Variants in DTD1 observed in about 807,000 individuals in gnomAD.
DTD1 encodes the protein D-tyrosyl-tRNA deacylase 1 homolog.
A neutral mutation model predicts 25.6 loss-of-function variants in DTD1; 13 were observed. That is an observed-to-expected ratio of 0.51 (90% CI 0.33 to 0.81). The LOEUF (loss-of-function observed/expected upper bound fraction) is 0.81, where lower values mean the gene tolerates loss of function less well. Ranked by LOEUF, DTD1 falls within the 30% of genes least tolerant of loss-of-function variation. The pLI is 0.02. For synonymous variants in DTD1, 110 were observed against 103.6 expected, an observed-to-expected ratio of 1.06 and a Z score of -0.37; for missense variants, 193 against 266.4, an observed-to-expected ratio of 0.72 and a Z score of 1.92.
At chr20:18,707,763 A>C (rs1432389985) in intron 4 of DTD1, among the ~76,000 whole-genome samples, 2 of 151,964 alleles carry the variant, frequency 1.3e-5, no homozygotes, top group African/African-American at 4.8e-5. Flanking sequence ...ACGCGCGCAC[A>C]CACACACACT....
intron 4 of DTD1, among the ~76,000 whole-genome samples, chr20:18,662,674 A>T (rs1257891651): frequency 1.3e-5 from 2 of 152,218 alleles, no homozygotes. Flanking sequence ...GTTAAAAAGA[A>T]TGCAGTTGAC....
chr20:18,729,308 A>G (rs16979527), intron 4 of DTD1, among the ~76,000 whole-genome samples: 3,314 of 152,320 alleles, frequency 0.022, 57 homozygotes, highest in South Asian at 0.046. Context: ...AGTTCATGAC[A>G]GTTTTGTCGT....
chr20:18,593,349 T>C (rs2060597841), intron 1 of DTD1, among the ~76,000 whole-genome samples: 1 of 152,208 alleles, frequency 6.6e-6, no homozygotes, highest in East Asian at 1.9e-4. Flanking sequence ...AGGAATCTCT[T>C]TTCTGAGAAT....
At chr20:18,759,631 T>A (rs1396140731) in intron 5 of DTD1, among the ~76,000 whole-genome samples, 1 of 152,234 alleles carries the variant, frequency 6.6e-6, no homozygotes, top group African/African-American at 2.4e-5. Flanking sequence ...CTTCCCTTTG[T>A]GGGTAACCCA....
chr20:18,669,971 G>A (rs576450991), intron 4 of DTD1, among the ~76,000 whole-genome samples: 6 of 152,252 alleles, frequency 3.9e-5, no homozygotes, highest in South Asian at 2.1e-4. Flanking sequence ...GTCTGCAAGC[G>A]CACACCTGCA....
chr20:18,601,636 A>C (rs1316897164), intron 3 of DTD1, among the ~76,000 whole-genome samples: 1 of 151,790 alleles, frequency 6.6e-6, no homozygotes, highest in African/African-American at 2.4e-5. Context: ...GAGCAGCCTA[A>C]CTGGGAGGCA....
chr20:18,744,636 CA>C (rs796918448), intron 5 of DTD1, among the ~76,000 whole-genome samples: 577 of 11,326 alleles, frequency 0.051, 44 homozygotes, highest in East Asian at 0.42. Context: ...GACTCCATCT[CA>C]AAAAAAAAAA....
chr20:18,627,085 A>G (rs1600328626), intron 3 of DTD1, among the ~76,000 whole-genome samples: 1 of 152,192 alleles, frequency 6.6e-6, no homozygotes, highest in Non-Finnish European at 1.5e-5. Flanking sequence ...TTTTTTGAGC[A>G]CCTTTGACTA....
rs1171179964 is a variant in DTD1, at chr20:18,628,243, G to A, written c.477+10G>A. The stretch of plus-strand genomic sequence containing the variant: ...CTCTGACCCAAAGCAGGTAAGCCTG[G>A]AGTCTGGTGCCTGGCTCCGTCCCTT... On this transcript the variant is annotated intron_variant, in intron 4 of 5. Transcript: ENST00000377452. 3 of 1,610,448 alleles carry A rather than the reference G, an allele frequency of 1.9e-6. 1 individual carries two copies. The South Asian group carries it at 3.3e-5, about 18-fold the overall frequency.
Position 18,590,428 on chromosome 20 carries a change from A to G in DTD1, c.43+2313A>G, listed in dbSNP as rs2060584803. Among the ~76,000 whole-genome samples the G allele has an allele frequency of 2.6e-5, 4 of 152,134 alleles. No homozygotes were observed. The South Asian group carries it at 6.2e-4, about 24-fold the overall frequency. ...CATTTTTTTTTATAGTAACCCTGTA[A>G]TATCATTTGATGCCCAGTCCATCAG... is the stretch of plus-strand genomic sequence containing the variant. On this transcript the variant is annotated intron_variant, in intron 1 of 5. Coordinates refer to ENST00000377452, the MANE Select transcript of DTD1 (RefSeq NM_080820.6).
At chr20:18,701,893 T>C (rs1444894383) in intron 4 of DTD1, among the ~76,000 whole-genome samples, 1 of 152,238 alleles carries the variant, frequency 6.6e-6, no homozygotes, top group Non-Finnish European at 1.5e-5. Flanking sequence ...TGATTCTGAA[T>C]AGGAACAGAA....
Position 18,658,330 on chromosome 20 carries a change from C to CT in DTD1, c.477+30110dup, listed in dbSNP as rs1401329441. Reference sequence around the variant, plus strand: ...TGTCTCTTCTATTTATACTTAATTTCTTTTTTTTTTTTTGAGACAGAGTCT... The same window carrying CT: ...TGTCTCTTCTATTTATACTTAATTTCTTTTTTTTTTTTTTGAGACAGAGTCT... On this transcript the variant is annotated intron_variant, in intron 4 of 5. Transcript: ENST00000377452. Among the ~76,000 whole-genome samples, 320 of 140,772 alleles carry CT rather than the reference C, an allele frequency of 2.3e-3. 2 individuals are homozygous for CT. The highest frequency in any genetic ancestry group is 7.5e-3 in the Middle Eastern group (2 of 268). 92.4% of individuals were successfully genotyped at this position (140,772 alleles called of 152,430 possible).
chr20:18,596,371 A>G, intron 3 of DTD1, 130 bp downstream of exon 3: 1 of 722,720 alleles, frequency 1.4e-6, no homozygotes, highest in Non-Finnish European at 2.3e-6. Context: ...ACTTAGAACC[A>G]CATACTAGCT....
At chr20:18,736,400 A>T (rs1242630328) in intron 4 of DTD1, among the ~76,000 whole-genome samples, 1 of 152,182 alleles carries the variant, frequency 6.6e-6, no homozygotes, top group East Asian at 1.9e-4. Flanking sequence ...CCTCTGCCTC[A>T]TTAGTGTCCA....
intron 4 of DTD1, among the ~76,000 whole-genome samples, chr20:18,646,130 C>T (rs369083402): frequency 1.6e-4 from 24 of 152,322 alleles, no homozygotes; most frequent in African/African-American, 5.5e-4. Context: ...TGGACAGGTA[C>T]AAGGCACTGG....
chr20:18,595,981 C>T (rs1378038104), intron 2 of DTD1, 25 bp from the exon 3 acceptor site: 4 of 1,601,540 alleles, frequency 2.5e-6, no homozygotes, highest in African/African-American at 1.3e-5. Flanking sequence ...TCTCAGGTAG[C>T]TCTCACTGCT....
intron 4 of DTD1, among the ~76,000 whole-genome samples, chr20:18,640,320 T>G (rs982051639): frequency 6.6e-6 from 1 of 152,170 alleles, no homozygotes; most frequent in African/African-American, 2.4e-5. Context: ...TCAATTTTTG[T>G]TATATCTAAT....
chr20:18,685,043 T>G (rs2061011309), intron 4 of DTD1, among the ~76,000 whole-genome samples: 1 of 152,026 alleles, frequency 6.6e-6, no homozygotes. Flanking sequence ...GGCCTATAGG[T>G]GCATACCACC....
At chr20:18,707,243 T>C (rs375368618) in intron 4 of DTD1, among the ~76,000 whole-genome samples, 13 of 152,234 alleles carry the variant, frequency 8.5e-5, no homozygotes, top group East Asian at 3.8e-4. Context: ...ATAAAGCACA[T>C]GATCATCAAT....
Sources: gnomAD v4.1 joint callset for allele counts (sites outside exome capture counted in the v4.1 genomes callset) on GRCh38, gnomAD v4.1.1 for gene constraint, MANE v1.5 for transcripts, NCBI Gene and HGNC (gene_info 2026-07-23, HGNC 2026-07-21) for gene names.